Variants in APOLD1 observed in about 807,000 individuals in gnomAD.
APOLD1 encodes the protein apolipoprotein L domain-containing protein 1.
In APOLD1, 22 loss-of-function variants were observed where a neutral mutation model predicts 15.3. That is an observed-to-expected ratio of 1.44 (90% CI 1.03 to 2.05). APOLD1 has a LOEUF of 2.05. APOLD1 is among the 30% of genes most tolerant of loss of function. The pLI is 0.00. For missense variants in APOLD1, 394 were observed against 353.5 expected, an observed-to-expected ratio of 1.11 and a Z score of -0.92; for synonymous variants, 190 against 167.4, an observed-to-expected ratio of 1.13 and a Z score of -1.04.
At chr12:12,745,534 G>A (rs544120378) in intron 1 of APOLD1, among the ~76,000 whole-genome samples, 10 of 152,044 alleles carry the variant, frequency 6.6e-5, no homozygotes, top group Non-Finnish European at 1.0e-4. Context: ...TCTCAGAAAA[G>A]AAAAGACTGA....
At chr12:12,761,072 A>G (rs1479847258) in intron 1 of APOLD1, among the ~76,000 whole-genome samples, 1 of 152,254 alleles carries the variant, frequency 6.6e-6, no homozygotes, top group East Asian at 1.9e-4. Flanking sequence ...CGTCCTGAAT[A>G]GAAGTTATAT....
upstream of APOLD1, among the ~76,000 whole-genome samples, chr12:12,781,279 C>T (rs1366676753): frequency 6.6e-6 from 1 of 151,980 alleles, no homozygotes; most frequent in Admixed American, 6.5e-5. Context: ...CCCGTCTCTA[C>T]TAAAAATACA....
At chr12:12,778,586 C>G (rs373230692) in intron 1 of APOLD1, among the ~76,000 whole-genome samples, 70 of 152,176 alleles carry the variant, frequency 4.6e-4, no homozygotes, top group South Asian at 4.0e-3. Flanking sequence ...CCTCGGCCCC[C>G]CAAAGTGCTG....
intron 1 of APOLD1, among the ~76,000 whole-genome samples, chr12:12,730,463 T>C (rs1219818517): frequency 2.0e-5 from 3 of 150,122 alleles, no homozygotes; most frequent in African/African-American, 7.4e-5. Flanking sequence ...GGCAGATCAC[T>C]TGAGGTCAGG....
upstream of APOLD1, among the ~76,000 whole-genome samples, chr12:12,781,921 G>T (rs983828057): frequency 6.6e-6 from 1 of 151,820 alleles, no homozygotes; most frequent in South Asian, 2.1e-4. Flanking sequence ...AGTCCTTTCC[G>T]CTAGACTTAC....
At chr12:12,733,915 T>A (rs920542255) in intron 1 of APOLD1, among the ~76,000 whole-genome samples, 2 of 152,244 alleles carry the variant, frequency 1.3e-5, no homozygotes, top group Non-Finnish European at 2.9e-5. Context: ...GTATTTCAAA[T>A]TTGAAATAAT....
Position 12,787,792 on chromosome 12 carries a change from C to A in APOLD1, c.*140C>A. 2 of 1,247,554 alleles carry A rather than the reference C, an allele frequency of 1.6e-6. No individual in the cohort carries two copies. The highest frequency in any genetic ancestry group is 2.2e-6 in the Non-Finnish European group (2 of 920,170). The allele number at this position is 1,247,554 out of a possible 1,614,324, so 77.3% of individuals were successfully genotyped here. A position where few individuals can be genotyped will look rare whatever the true frequency, so the allele number is the denominator to read the frequency against. The stretch of plus-strand genomic sequence containing the variant: ...TGAGAAAAACTGTTTTTGAAGTGGG[C>A]AGGTCCCCAAAGCCCTTCTTTTCCC... On this transcript the variant is annotated 3_prime_UTR_variant, in exon 2 of 2. Coordinates refer to ENST00000356591, the MANE Select transcript of APOLD1 (RefSeq NM_030817.3). The surrounding 1 kb of genome is among the most constrained non-coding windows in gnomAD (Gnocchi z 4.9).
chr12:12,734,215 A>ATATGGGAT (rs1463850817), intron 1 of APOLD1, among the ~76,000 whole-genome samples: 4 of 152,210 alleles, frequency 2.6e-5, no homozygotes, highest in South Asian at 2.1e-4. Flanking sequence ...TCTTTTTGCC[A>ATATGGGAT]TATGGGATTT....
At position 12,730,211 on chromosome 12, in the gene APOLD1, G is replaced by C. The variant is rs140821524; in HGVS notation, c.96+4115G>C. Reference sequence around the variant, plus strand: ...TTACAGGCATGAGCCATCATGCCTGGCTCACTGGAAAAATTTAAAGTTCAT... The same window carrying C: ...TTACAGGCATGAGCCATCATGCCTGCCTCACTGGAAAAATTTAAAGTTCAT... On this transcript the variant is annotated intron_variant, in intron 1 of 1. Transcript: ENST00000326765. 4.3e-3 allele frequency among the ~76,000 whole-genome samples: 657 copies of C among 151,962 alleles called. 7 individuals are homozygous for C. Among genetic ancestry groups the C allele is most frequent in the African/African-American group, 0.015 (609 of 41,436 alleles).
intron 1 of APOLD1, among the ~76,000 whole-genome samples, chr12:12,739,869 T>G (rs1592290971): frequency 6.7e-6 from 1 of 149,646 alleles, no homozygotes; most frequent in Non-Finnish European, 1.5e-5. Flanking sequence ...TAGGCTGGAG[T>G]GCAGTGGTGC....
intron 1 of APOLD1, among the ~76,000 whole-genome samples, chr12:12,750,888 C>T (rs901636855): frequency 3.3e-5 from 5 of 152,014 alleles, no homozygotes; most frequent in African/African-American, 1.2e-4. Flanking sequence ...GATCCTCCCA[C>T]CTCAGCCTCG....
At chr12:12,746,452 C>T (rs2136376778) in intron 1 of APOLD1, among the ~76,000 whole-genome samples, 1 of 152,230 alleles carries the variant, frequency 6.6e-6, no homozygotes, top group South Asian at 2.1e-4. Context: ...GCCGAGATCG[C>T]ACCACTGCAC....
chr12:12,757,541 T>A (rs575312321), intron 1 of APOLD1, among the ~76,000 whole-genome samples: 52 of 152,264 alleles, frequency 3.4e-4, no homozygotes, highest in Non-Finnish European at 6.3e-4. Flanking sequence ...AAAGAGAACA[T>A]CTTTGTGACT....
chr12:12,788,874 T>C lies in APOLD1; in HGVS notation c.*1222T>C, dbSNP rs557226189. ...CACAGATGACCAAGGACAGACTGTG[T>C]CCCAGAAGCCAAAATGAGAGAGAGA... On this transcript the variant is annotated 3_prime_UTR_variant, in exon 2 of 2. Transcript: ENST00000356591. 1 of 138,350 alleles carries C rather than the reference T, an allele frequency of 7.2e-6. No homozygotes were observed. Among genetic ancestry groups the C allele is most frequent in the Non-Finnish European group, 1.6e-5 (1 of 64,074 alleles). 8.6% of individuals were successfully genotyped at this position (138,350 alleles called of 1,614,324 possible). A position where few individuals can be genotyped will look rare whatever the true frequency, so the allele number is the denominator to read the frequency against.
intron 1 of APOLD1, among the ~76,000 whole-genome samples, chr12:12,754,225 AAAG>A (rs1304467777): frequency 6.6e-6 from 1 of 150,410 alleles, no homozygotes; most frequent in Non-Finnish European, 1.5e-5. Flanking sequence ...AAAAAGAAAA[AAAG>A]AAAAAAACAT....
Position 12,787,886 on chromosome 12 carries a change from C to T in APOLD1, c.*234C>T. 1 of 551,138 alleles carries T rather than the reference C, an allele frequency of 1.8e-6. No homozygotes were observed. The highest frequency in any genetic ancestry group is 3.0e-6 in the Non-Finnish European group (1 of 329,228). 34.1% of individuals were successfully genotyped at this position (551,138 alleles called of 1,614,324 possible). A position where few individuals can be genotyped will look rare whatever the true frequency, so the allele number is the denominator to read the frequency against. On this transcript the variant is annotated 3_prime_UTR_variant, in exon 2 of 2. Coordinates refer to ENST00000356591, the MANE Select transcript of APOLD1 (RefSeq NM_030817.3). The surrounding 1 kb of genome is among the most constrained non-coding windows in gnomAD (Gnocchi z 4.9). ...AGTCTTCCTAGTGGAAAAATGTGAC[C>T]CAAAAACTCTTTTTCCTTTATCAAA...
intron 1 of APOLD1, among the ~76,000 whole-genome samples, chr12:12,745,225 T>A (rs1318494646): frequency 6.6e-6 from 1 of 151,968 alleles, no homozygotes; most frequent in African/African-American, 2.4e-5. Context: ...GAGGAGATAT[T>A]TGAAAGAGAA....
chr12:12,786,776 G>A (rs1947127970), intron 1 of APOLD1, 133 bp from the exon 2 acceptor site: 5 of 1,300,494 alleles, frequency 3.8e-6, no homozygotes, highest in African/African-American at 1.6e-5. Context: ...ACTGGAAACA[G>A]ACCCGTTCCC....
At chr12:12,773,525 G>A (rs1079739) in intron 1 of APOLD1, among the ~76,000 whole-genome samples, 5,942 of 152,236 alleles carry the variant, frequency 0.039, 382 homozygotes, top group African/African-American at 0.14. Flanking sequence ...TTGCATCACT[G>A]TACTCCAGCC....
Sources: gnomAD v4.1 joint callset for allele counts (sites outside exome capture counted in the v4.1 genomes callset) on GRCh38, gnomAD v4.1.1 for gene constraint, Gnocchi (gnomAD v3.1) non-coding constraint, MANE v1.5 for transcripts, NCBI Gene and HGNC (gene_info 2026-07-23, HGNC 2026-07-21) for gene names.